The following GLG1 variants were observed in gnomAD, a reference collection of about 807,000 sequenced individuals.
GLG1 encodes the protein Golgi apparatus protein 1.
A neutral mutation model predicts 160.5 loss-of-function variants in GLG1; 38 were observed. The observed-to-expected ratio is 0.24, with a 90% CI of 0.18 to 0.31. The LOEUF is 0.31. Among genes scored for constraint, GLG1 ranks in the 10% least tolerant of loss-of-function variants. GLG1 has a pLI of 1.00. For missense variants in GLG1, 1,373 were observed against 1,505.2 expected (o/e 0.91, Z 1.45); for synonymous variants, 644 against 543.4 (o/e 1.19, Z -2.57).
chr16:74,466,123 T>C (rs980445615), intron 18 of GLG1, among the ~76,000 whole-genome samples: 3 of 152,198 alleles, frequency 2.0e-5, no homozygotes, highest in East Asian at 1.9e-4. Flanking sequence ...ATTTTGGAGA[T>C]AGGCTCTCTG....
Position 74,496,463 on chromosome 16 carries a change from T to C in GLG1, c.956A>G (p.Asp319Gly), listed in dbSNP as rs1327064167. ...DRHLYFACRD[D>G]RERFCENTQA... Reference sequence around the variant, plus strand: ...CACATTTTCACAAAAACGCTCCCGATCATCTCGGCAAGCAAAATATAAATG... The same window carrying C: ...CACATTTTCACAAAAACGCTCCCGACCATCTCGGCAAGCAAAATATAAATG... The change falls in exon 5 of 26, where the codon GAT becomes GGT. Residue 319 changes from aspartate to glycine, a missense_variant. By Grantham distance (94) the Asp-to-Gly change is moderately conservative. Transcript: ENST00000422840. The C allele has an allele frequency of 6.2e-7, 1 of 1,613,418 alleles. No individual in the cohort carries two copies. The highest frequency in any genetic ancestry group is 8.5e-7 in the Non-Finnish European group (1 of 1,179,518).
intron 1 of GLG1, among the ~76,000 whole-genome samples, chr16:74,540,610 T>C (rs1011377977): frequency 6.6e-6 from 1 of 151,628 alleles, no homozygotes; most frequent in Non-Finnish European, 1.5e-5. Context: ...ATCATCCCCA[T>C]GACAGTCTAC....
chr16:74,581,534 T>TAAAAA (rs33982914), intron 1 of GLG1, among the ~76,000 whole-genome samples: 2 of 132,042 alleles, frequency 1.5e-5, no homozygotes, highest in Non-Finnish European at 3.2e-5. Flanking sequence ...ATGTAAGATT[T>TAAAAA]AAAAAAAAAA....
intron 19 of GLG1, among the ~76,000 whole-genome samples, chr16:74,464,580 T>C (rs2014931157): frequency 6.6e-6 from 1 of 152,070 alleles, no homozygotes. Flanking sequence ...CTCTAAAGAG[T>C]GTGATTATAA....
At chr16:74,505,329 T>G (rs541759169) in intron 3 of GLG1, among the ~76,000 whole-genome samples, 1 of 152,236 alleles carries the variant, frequency 6.6e-6, no homozygotes, top group African/African-American at 2.4e-5. Context: ...TAGTAAATAA[T>G]AGTCTCACAC....
At chr16:74,480,189 T>C (rs2015547856) in intron 11 of GLG1, 52 bp downstream of exon 11, 6 of 1,456,352 alleles carry the variant, frequency 4.1e-6, no homozygotes, top group Admixed American at 3.4e-5. Context: ...CAGCAAACAA[T>C]TTAAAAAACA....
At chr16:74,532,218 C>T (rs1368032697) in intron 1 of GLG1, 65 bp from the exon 2 acceptor site, 5 of 590,134 alleles carry the variant, frequency 8.5e-6, no homozygotes, top group Non-Finnish European at 1.3e-5. Context: ...ATATAGAGAA[C>T]CTTTCAAGTT....
chr16:74,573,731 T>C (rs2143791554), intron 1 of GLG1, among the ~76,000 whole-genome samples: 1 of 151,802 alleles, frequency 6.6e-6, no homozygotes, highest in East Asian at 1.9e-4. Context: ...CAAGTGATTT[T>C]CCCACCCTGG....
chr16:74,455,783 C>A (rs148151583), intron 25 of GLG1, among the ~76,000 whole-genome samples: 192 of 152,314 alleles, frequency 1.3e-3, no homozygotes, highest in Admixed American at 2.5e-3. Flanking sequence ...GGACTCTGGG[C>A]AAGTCGTGAC....
intron 2 of GLG1, among the ~76,000 whole-genome samples, chr16:74,528,836 A>AT: frequency 6.9e-6 from 1 of 144,686 alleles, no homozygotes; most frequent in African/African-American, 2.5e-5. Flanking sequence ...AAAAAAAAAA[A>AT]TTGTTAGGTG....
intron 1 of GLG1, among the ~76,000 whole-genome samples, chr16:74,549,792 T>C (rs2018148292): frequency 6.6e-6 from 1 of 151,656 alleles, no homozygotes; most frequent in Non-Finnish European, 1.5e-5. Context: ...ATGAACTAAA[T>C]GACTGCTCTA....
intron 1 of GLG1, among the ~76,000 whole-genome samples, chr16:74,557,050 A>G (rs2018373350): frequency 6.6e-6 from 1 of 152,200 alleles, no homozygotes; most frequent in Admixed American, 6.5e-5. Context: ...GATAAGCAGT[A>G]GAAAGAATCT....
intron 2 of GLG1, among the ~76,000 whole-genome samples, chr16:74,531,128 T>C (rs2017518234): frequency 6.6e-6 from 1 of 152,170 alleles, no homozygotes; most frequent in African/African-American, 2.4e-5. Flanking sequence ...CCCTCTAATC[T>C]TCTAGTATTC....
At chr16:74,466,943 C>T (rs2143214602) in intron 18 of GLG1, among the ~76,000 whole-genome samples, 1 of 152,238 alleles carries the variant, frequency 6.6e-6, no homozygotes, top group Non-Finnish European at 1.5e-5. Context: ...AAAGGGAAAG[C>T]AGTATGTGAA....
At chr16:74,562,406 T>C (rs1331311394) in intron 1 of GLG1, among the ~76,000 whole-genome samples, 1 of 152,246 alleles carries the variant, frequency 6.6e-6, no homozygotes, top group Non-Finnish European at 1.5e-5. Context: ...GAATAAATGC[T>C]GCAAGCCTTT....
At chr16:74,573,057 G>T (rs988373672) in intron 1 of GLG1, among the ~76,000 whole-genome samples, 1 of 152,194 alleles carries the variant, frequency 6.6e-6, no homozygotes, top group Non-Finnish European at 1.5e-5. Context: ...TCTGGTGCCA[G>T]AAGTGTTGAG....
intron 8 of GLG1, among the ~76,000 whole-genome samples, chr16:74,486,802 G>C (rs773616577): frequency 3.3e-5 from 5 of 152,106 alleles, no homozygotes; most frequent in African/African-American, 9.7e-5. Context: ...GCAGAAAATT[G>C]TAAGAAATAA....
At chr16:74,579,906 T>C (rs1419452183) in intron 1 of GLG1, among the ~76,000 whole-genome samples, 2 of 150,498 alleles carry the variant, frequency 1.3e-5, no homozygotes, top group Admixed American at 1.3e-4. Context: ...CTACTAAAAA[T>C]ACAAAAATTA....
chr16:74,600,285 C>T (rs1219143687), intron 1 of GLG1, among the ~76,000 whole-genome samples: 4 of 151,542 alleles, frequency 2.6e-5, no homozygotes, highest in Admixed American at 1.3e-4. Context: ...CCCAGCTACT[C>T]GGGAGGCTGA....
Sources: allele counts gnomAD v4.1 joint callset (sites outside exome capture counted in the v4.1 genomes callset), GRCh38; gene constraint gnomAD v4.1.1; transcripts MANE v1.5; gene names NCBI Gene and HGNC (gene_info 2026-07-23, HGNC 2026-07-21).